The following DMRT1 variants were observed in gnomAD, a reference collection of about 807,000 sequenced individuals.
The protein encoded by DMRT1 is doublesex and mab-3 related transcription factor 1, also known as doublesex- and mab-3-related transcription factor 1.
In DMRT1, 7 loss-of-function variants were observed where a neutral mutation model predicts 32.3. The ratio of observed to expected loss-of-function variants is 0.22; its 90% CI spans 0.12 to 0.41. The LOEUF (loss-of-function observed/expected upper bound fraction) is 0.41. Among genes scored for constraint, DMRT1 ranks in the 10% least tolerant of loss-of-function variants. The pLI, the probability that DMRT1 is intolerant of heterozygous loss-of-function variation, is 1.00. For synonymous variants in DMRT1, 278 were observed against 206.1 expected, an observed-to-expected ratio of 1.35 and a Z score of -2.99; for missense variants, 625 against 500.5, an observed-to-expected ratio of 1.25 and a Z score of -2.37.
chr9:920,280 G>A (rs142326337), intron 4 of DMRT1, among the ~76,000 whole-genome samples: 60 of 152,298 alleles, frequency 3.9e-4, no homozygotes, highest in African/African-American at 1.4e-3. Flanking sequence ...GAGCCTGCGT[G>A]TCTCCAGTGT....
chr9:881,010 G>C (rs12341580), intron 2 of DMRT1, among the ~76,000 whole-genome samples: 12,104 of 152,154 alleles, frequency 0.08, 1,619 homozygotes, highest in African/African-American at 0.28. Context: ...GCTTGAATGG[G>C]TTTAAAGCAG....
At chr9:851,233 C>A (rs1839138622) in intron 2 of DMRT1, among the ~76,000 whole-genome samples, 1 of 151,758 alleles carries the variant, frequency 6.6e-6, no homozygotes. Flanking sequence ...ATTTAGTCAA[C>A]TTTTATTTAT....
At chr9:866,594 G>T (rs1273653934) in intron 2 of DMRT1, among the ~76,000 whole-genome samples, 1 of 152,178 alleles carries the variant, frequency 6.6e-6, no homozygotes, top group Non-Finnish European at 1.5e-5. Flanking sequence ...AAACCAGAAA[G>T]CAACGAGAGA....
At chr9:890,524 T>C (rs16925320) in intron 2 of DMRT1, among the ~76,000 whole-genome samples, 5,734 of 152,212 alleles carry the variant, frequency 0.038, 152 homozygotes, top group African/African-American at 0.076. Flanking sequence ...AATTTTGTTG[T>C]AGATCTCAGC....
intron 4 of DMRT1, among the ~76,000 whole-genome samples, chr9:923,922 T>C (rs770615838): frequency 8.5e-5 from 13 of 152,342 alleles, no homozygotes; most frequent in Non-Finnish European, 1.5e-4. Flanking sequence ...TGTGTCCATT[T>C]TGTTCTCAGC....
chr9:855,588 A>G (rs1815364132), intron 2 of DMRT1, among the ~76,000 whole-genome samples: 1 of 152,170 alleles, frequency 6.6e-6, no homozygotes, highest in Non-Finnish European at 1.5e-5. Flanking sequence ...TTCAGTGTAC[A>G]TTTTTGTTCT....
chr9:866,379 C>G (rs1328073544), intron 2 of DMRT1, among the ~76,000 whole-genome samples: 2 of 151,984 alleles, frequency 1.3e-5, no homozygotes, highest in Non-Finnish European at 2.9e-5. Context: ...TATTTCAGAC[C>G]CCTTGACGTC....
intron 4 of DMRT1, among the ~76,000 whole-genome samples, chr9:964,111 C>T (rs1293124061): frequency 6.6e-6 from 1 of 152,182 alleles, no homozygotes; most frequent in African/African-American, 2.4e-5. Context: ...ATTATTCGTT[C>T]CAGTCCATTG....
intron 3 of DMRT1, among the ~76,000 whole-genome samples, chr9:901,601 A>G (rs1325561068): frequency 6.6e-6 from 1 of 151,732 alleles, no homozygotes; most frequent in African/African-American, 2.4e-5. Flanking sequence ...TGCTGGGATT[A>G]TAGGCGGGAG....
At chr9:950,578 C>T (rs1412273467) in intron 4 of DMRT1, among the ~76,000 whole-genome samples, 1 of 152,102 alleles carries the variant, frequency 6.6e-6, no homozygotes, top group Non-Finnish European at 1.5e-5. Context: ...ATGATAGGGG[C>T]TCAACGAATG....
chr9:866,186 A>AAC (rs1815977599), intron 2 of DMRT1, among the ~76,000 whole-genome samples: 1 of 150,802 alleles, frequency 6.6e-6, no homozygotes, highest in Admixed American at 6.6e-5. Context: ...AAAAAAAAAA[A>AAC]GACAGTGGTG....
rs968098192 is a variant in DMRT1 at position 860,501 on chromosome 9, CA to C, written c.538+13361del. Among the ~76,000 whole-genome samples, 6 of 152,238 alleles carry C rather than the reference CA, an allele frequency of 3.9e-5. No homozygotes were observed. The East Asian group carries it at 1.2e-3, about 29-fold the overall frequency. On this transcript the variant is annotated intron_variant, in intron 2 of 4. Transcript: ENST00000382276. ...TCATTTTACTTCTTTATTCGTTCAA[CA>C]AATGTTCATTCTATGGCTGCACTGA...
intron 3 of DMRT1, among the ~76,000 whole-genome samples, chr9:904,883 G>A (rs1198223784): frequency 3.3e-5 from 5 of 151,824 alleles, no homozygotes; most frequent in Admixed American, 1.3e-4. Context: ...CGTAGGTTGC[G>A]GTGAGCCGAG....
At chr9:932,929 T>C (rs1233986593) in intron 4 of DMRT1, among the ~76,000 whole-genome samples, 3 of 152,188 alleles carry the variant, frequency 2.0e-5, no homozygotes, top group South Asian at 4.1e-4. Flanking sequence ...TTTTTTTTTT[T>C]TGAGACAGGG....
intron 4 of DMRT1, among the ~76,000 whole-genome samples, chr9:923,477 A>AGTCTT (rs111291561): frequency 2.6e-5 from 4 of 151,768 alleles, no homozygotes; most frequent in Admixed American, 2.6e-4. Flanking sequence ...AGGCCACACC[A>AGTCTT]GTGAGGATGA....
At position 846,989 on chromosome 9, in the gene DMRT1, G is replaced by A. The variant is rs1311200348; in HGVS notation, c.384G>A (p.Glu128=). ...CCCTGAGAAGGCAGCAGGCCCAGGA[G>A]GAGGAATTGGGTATCAGCCACCCCA... ...QVALRRQQAQ[E]EELGISHPIP... is the part of the protein sequence containing the mutation. The change falls in exon 2 of 5, where the codon GAG becomes GAA. Residue 128 remains glutamate (E), a synonymous_variant. Coordinates refer to ENST00000382276, the MANE Select transcript of DMRT1 (RefSeq NM_021951.3). 6.2e-7 allele frequency: 1 copy of A among 1,614,062 alleles called. No individual in the cohort carries two copies. The highest frequency in any genetic ancestry group is 1.3e-5 in the African/African-American group (1 of 74,944).
intron 3 of DMRT1, among the ~76,000 whole-genome samples, chr9:904,701 T>C (rs192457081): frequency 1.5e-3 from 227 of 152,248 alleles, no homozygotes; most frequent in Non-Finnish European, 2.8e-3. Context: ...TCCCAGCACT[T>C]TGGGAGGCCG....
intron 4 of DMRT1, among the ~76,000 whole-genome samples, chr9:959,768 TC>T (rs1819712611): frequency 6.6e-6 from 1 of 152,098 alleles, no homozygotes; most frequent in South Asian, 2.1e-4. Context: ...CCTCTGGTGA[TC>T]CACCTACCTC....
chr9:854,895 A>G (rs1201944039), intron 2 of DMRT1, among the ~76,000 whole-genome samples: 1 of 149,882 alleles, frequency 6.7e-6, no homozygotes, highest in African/African-American at 2.5e-5. Context: ...CCTCCCGAGT[A>G]GCTGGGACTA....
Sources: allele counts gnomAD v4.1 joint callset (sites outside exome capture counted in the v4.1 genomes callset), GRCh38; gene constraint gnomAD v4.1.1; transcripts MANE v1.5; gene names NCBI Gene and HGNC (gene_info 2026-07-23, HGNC 2026-07-21).